Variants in SDK1 observed in about 807,000 individuals in gnomAD.
The protein encoded by SDK1 is sidekick cell adhesion molecule 1.
Under a neutral mutation model 245.5 loss-of-function variants are expected in SDK1, and 157 were observed. The ratio of observed to expected loss-of-function variants is 0.64; its 90% CI spans 0.56 to 0.73. The LOEUF is 0.73. SDK1 is among the 30% of genes least tolerant of loss of function. SDK1 has a pLI of 0.00. For synonymous variants in SDK1, 1,647 were observed against 1,278.5 expected (o/e 1.29, Z -6.15); for missense variants, 3,583 against 3,002.3 (o/e 1.19, Z -4.52).
At chr7:3,798,606 G>A (rs1036708218) in intron 4 of SDK1, among the ~76,000 whole-genome samples, 6 of 152,128 alleles carry the variant, frequency 3.9e-5, no homozygotes, top group Non-Finnish European at 7.3e-5. Context: ...CGATCAAGCT[G>A]ACTCATCATC....
At chr7:4,236,021 T>C (rs1335778263) in intron 41 of SDK1, among the ~76,000 whole-genome samples, 6 of 152,200 alleles carry the variant, frequency 3.9e-5, no homozygotes, top group Non-Finnish European at 8.8e-5. Context: ...CAAACCTACT[T>C]CTGTCTTTTG....
chr7:4,220,622 C>G (rs1181168358), intron 39 of SDK1, among the ~76,000 whole-genome samples: 1 of 150,174 alleles, frequency 6.7e-6, no homozygotes, highest in East Asian at 2.0e-4. Flanking sequence ...GAAGCATGTA[C>G]CTTCCCACTT....
At chr7:3,872,416 A>G (rs1192823935) in intron 5 of SDK1, among the ~76,000 whole-genome samples, 2 of 152,020 alleles carry the variant, frequency 1.3e-5, no homozygotes, top group African/African-American at 4.8e-5. Context: ...GTTTTATTTT[A>G]TTTTGTTTTT....
chr7:4,146,515 C>T (rs1438598126), intron 29 of SDK1, among the ~76,000 whole-genome samples: 1 of 152,244 alleles, frequency 6.6e-6, no homozygotes, highest in Admixed American at 6.5e-5. Context: ...CACCTTCAGC[C>T]TCACACCTGC....
At chr7:4,010,555 G>A (rs989546712) in intron 14 of SDK1, among the ~76,000 whole-genome samples, 1 of 152,132 alleles carries the variant, frequency 6.6e-6, no homozygotes, top group East Asian at 1.9e-4. Flanking sequence ...AAATGTTAAT[G>A]AATATAGTTT....
At chr7:4,235,033 G>A (rs1786063796) in intron 41 of SDK1, among the ~76,000 whole-genome samples, 2 of 152,194 alleles carry the variant, frequency 1.3e-5, no homozygotes, top group Non-Finnish European at 2.9e-5. Context: ...TGTGCTATGA[G>A]TTTGGAGGAA....
intron 1 of SDK1, among the ~76,000 whole-genome samples, chr7:3,308,751 G>A (rs1779480432): frequency 6.6e-6 from 1 of 152,034 alleles, no homozygotes; most frequent in Non-Finnish European, 1.5e-5. Context: ...TAGTCTTTGT[G>A]CAGTGTTTGG....
intron 2 of SDK1, 107 bp downstream of exon 2, chr7:3,619,346 C>G (rs1240801738): frequency 3.4e-6 from 3 of 873,730 alleles, no homozygotes; most frequent in Admixed American, 2.3e-5. Flanking sequence ...GATTGAATTT[C>G]TAATGCATTC....
intron 4 of SDK1, among the ~76,000 whole-genome samples, chr7:3,807,259 C>A (rs1344271225): frequency 1.3e-5 from 2 of 152,144 alleles, no homozygotes; most frequent in Non-Finnish European, 2.9e-5. Flanking sequence ...ACCTCCAGAA[C>A]AGTCCCAAAG....
At chr7:3,639,256 A>T in intron 3 of SDK1, 146 bp downstream of exon 3, 1 of 461,856 alleles carries the variant, frequency 2.2e-6, no homozygotes. Flanking sequence ...TCAGTGAGAG[A>T]TAAGTAAGCA....
chr7:3,425,032 C>G (rs955497847), intron 1 of SDK1, among the ~76,000 whole-genome samples: 1 of 151,896 alleles, frequency 6.6e-6, no homozygotes, highest in African/African-American at 2.4e-5. Context: ...TAATCAATAT[C>G]GTTACCACAT....
chr7:3,663,829 C>G (rs1261412575), intron 4 of SDK1, among the ~76,000 whole-genome samples: 2 of 152,210 alleles, frequency 1.3e-5, no homozygotes, highest in Admixed American at 6.5e-5. Context: ...GATTAGCTAA[C>G]TATCCTGTAA....
chr7:3,634,695 A>G (rs1183856444), intron 2 of SDK1, among the ~76,000 whole-genome samples: 2 of 152,264 alleles, frequency 1.3e-5, no homozygotes, highest in Non-Finnish European at 2.9e-5. Flanking sequence ...TTAGGTGAAC[A>G]TAATTTGTGT....
intron 1 of SDK1, among the ~76,000 whole-genome samples, chr7:3,451,869 G>A (rs548557121): frequency 1.6e-4 from 24 of 152,294 alleles, no homozygotes; most frequent in African/African-American, 5.5e-4. Context: ...AGAAGTGTAT[G>A]CAGGTGGTGT....
intron 4 of SDK1, among the ~76,000 whole-genome samples, chr7:3,746,447 A>C (rs1188701619): frequency 2.6e-5 from 4 of 152,104 alleles, no homozygotes; most frequent in African/African-American, 9.7e-5. Context: ...CCTTTCACAA[A>C]AGATTTCTCT....
chr7:4,200,044 G>A (rs376795276), intron 35 of SDK1, among the ~76,000 whole-genome samples: 5 of 152,134 alleles, frequency 3.3e-5, no homozygotes, highest in East Asian at 1.9e-4. Flanking sequence ...GCAGTGAGCC[G>A]AGACTGTGCC....
intron 5 of SDK1, among the ~76,000 whole-genome samples, chr7:3,866,987 G>C (rs756957968): frequency 4.6e-5 from 7 of 152,262 alleles, no homozygotes; most frequent in Non-Finnish European, 1.0e-4. Flanking sequence ...GCCATCCTCT[G>C]TCCTTCTGGC....
chr7:3,617,714 A>G (rs777169300), intron 1 of SDK1, among the ~76,000 whole-genome samples: 1 of 152,194 alleles, frequency 6.6e-6, no homozygotes, highest in Non-Finnish European at 1.5e-5. Context: ...CCTTTTTATT[A>G]GGACCCCTCT....
chr7:3,808,619 A>G (rs1779308681), intron 4 of SDK1, among the ~76,000 whole-genome samples: 1 of 152,208 alleles, frequency 6.6e-6, no homozygotes, highest in Non-Finnish European at 1.5e-5. Context: ...TTAGGGGACC[A>G]GGATTTTAAA....
Sources: allele counts gnomAD v4.1 joint callset (sites outside exome capture counted in the v4.1 genomes callset), GRCh38; gene constraint gnomAD v4.1.1; transcripts MANE v1.5; gene names NCBI Gene and HGNC (gene_info 2026-07-23, HGNC 2026-07-21).